The following DSCAML1 variants were observed in gnomAD, a reference collection of about 807,000 sequenced individuals.
The protein encoded by DSCAML1 is DS cell adhesion molecule like 1.
DSCAML1 carries 38 observed loss-of-function variants against 200.5 expected under a neutral mutation model. The observed-to-expected ratio is 0.19, with a 90% CI of 0.15 to 0.25. The LOEUF (loss-of-function observed/expected upper bound fraction) is 0.25, where lower values mean the gene tolerates loss of function less well. Among genes scored for constraint, DSCAML1 ranks in the 10% least tolerant of loss-of-function variants. The pLI is 1.00. For synonymous variants in DSCAML1, 1,215 were observed against 1,165.0 expected, an observed-to-expected ratio of 1.04 and a Z score of -0.87; for missense variants, 2,223 against 2,858.8, an observed-to-expected ratio of 0.78 and a Z score of 5.07.
At chr11:117,791,081 C>T (rs2055457243) in intron 1 of DSCAML1, among the ~76,000 whole-genome samples, 1 of 152,178 alleles carries the variant, frequency 6.6e-6, no homozygotes, top group East Asian at 1.9e-4. Context: ...TGGGTGGTCC[C>T]CAAGGCTAAT....
chr11:117,685,828 G>A (rs1320295317), intron 3 of DSCAML1, among the ~76,000 whole-genome samples: 1 of 152,176 alleles, frequency 6.6e-6, no homozygotes, highest in Non-Finnish European at 1.5e-5. Context: ...ATTCGTGAAG[G>A]GAGAGGATGA....
chr11:117,708,874 T>C (rs2053797299), intron 3 of DSCAML1, among the ~76,000 whole-genome samples: 1 of 152,184 alleles, frequency 6.6e-6, no homozygotes, highest in Non-Finnish European at 1.5e-5. Flanking sequence ...TAGGCTCCCA[T>C]TACATGCTGC....
At chr11:117,809,049 C>T (rs2055733490) in intron 1 of DSCAML1, among the ~76,000 whole-genome samples, 1 of 152,210 alleles carries the variant, frequency 6.6e-6, no homozygotes, top group African/African-American at 2.4e-5. Flanking sequence ...CCGTCACTGC[C>T]CCGCCCCTGC....
At chr11:117,743,376 C>T (rs1388614488) in intron 3 of DSCAML1, among the ~76,000 whole-genome samples, 1 of 152,166 alleles carries the variant, frequency 6.6e-6, no homozygotes, top group African/African-American at 2.4e-5. Flanking sequence ...ATAGTAGTCA[C>T]ATATCCCAGT....
intron 3 of DSCAML1, among the ~76,000 whole-genome samples, chr11:117,534,439 C>T (rs1018231442): frequency 6.6e-5 from 10 of 152,166 alleles, no homozygotes; most frequent in African/African-American, 2.2e-4. Context: ...ATCAGTCTTC[C>T]TTGGTGACCA....
intron 3 of DSCAML1, among the ~76,000 whole-genome samples, chr11:117,678,091 A>G (rs2053248324): frequency 6.6e-6 from 1 of 152,218 alleles, no homozygotes; most frequent in Admixed American, 6.5e-5. Flanking sequence ...AACTCACAAT[A>G]TCTTCCATGA....
At chr11:117,769,179 A>G (rs1456716903) in intron 3 of DSCAML1, among the ~76,000 whole-genome samples, 1 of 26,192 alleles carries the variant, frequency 3.8e-5, no homozygotes, top group South Asian at 2.4e-3. Flanking sequence ...TTTTATATAT[A>G]TTATACATAT....
Position 117,437,054 on chromosome 11 carries a change from C to T in DSCAML1, c.4720+68G>A. ...AGTCTGTCTCTTTATGTATCTGCCA[C>T]TCTGCCCACTTCCTTCGCACCACCC... On this transcript the variant is annotated intron_variant, in intron 26 of 32. Transcript: ENST00000651296. This position sits in a 1 kb window ranked among gnomAD's most constrained non-coding sequence, Gnocchi z 5.3. 1.3e-6 allele frequency: 2 copies of T among 1,543,720 alleles called. No individual in the cohort carries two copies. The highest frequency in any genetic ancestry group is 2.5e-5 in the South Asian group (2 of 81,480).
At chr11:117,428,922 C>T (rs1205137958) in intron 32 of DSCAML1, 119 bp from the exon 33 acceptor site, 5 of 885,204 alleles carry the variant, frequency 5.6e-6, no homozygotes, top group Non-Finnish European at 8.6e-6. Context: ...AGGGGCCCCT[C>T]CACTGGGGGG....
chr11:117,434,812 CCTTCCATCCATT>C (rs1366353261), intron 27 of DSCAML1, among the ~76,000 whole-genome samples: 9 of 152,166 alleles, frequency 5.9e-5, no homozygotes, highest in Admixed American at 5.9e-4. Context: ...ATCCATCCAT[CCTTCCATCCATT>C]CATCCATCCA....
intron 3 of DSCAML1, among the ~76,000 whole-genome samples, chr11:117,656,385 GATA>G (rs1408496833): frequency 6.6e-6 from 1 of 152,198 alleles, no homozygotes; most frequent in Non-Finnish European, 1.5e-5. Context: ...GCAAAATAGA[GATA>G]ATAATACCTA....
chr11:117,807,233 G>A (rs2055714421), intron 1 of DSCAML1, among the ~76,000 whole-genome samples: 1 of 152,228 alleles, frequency 6.6e-6, no homozygotes, highest in Admixed American at 6.5e-5. Context: ...TATCGCTGAA[G>A]CCCCTGCCAT....
At chr11:117,764,345 A>G (rs556922866) in intron 3 of DSCAML1, among the ~76,000 whole-genome samples, 7 of 152,334 alleles carry the variant, frequency 4.6e-5, no homozygotes, top group African/African-American at 1.4e-4. Flanking sequence ...TGTACAAATT[A>G]CATCATGCAT....
chr11:117,733,636 T>C (rs1464332484), intron 3 of DSCAML1, among the ~76,000 whole-genome samples: 3 of 152,222 alleles, frequency 2.0e-5, no homozygotes, highest in East Asian at 3.8e-4. Flanking sequence ...TTTGAGGGTA[T>C]TGGAAGAGAG....
At chr11:117,442,558 TC>T (rs2048089953) in intron 21 of DSCAML1, among the ~76,000 whole-genome samples, 1 of 152,080 alleles carries the variant, frequency 6.6e-6, no homozygotes, top group African/African-American at 2.4e-5. Flanking sequence ...TGGTTGTCTT[TC>T]CCACCTCACA....
At chr11:117,795,344 C>T (rs1451685315) in intron 1 of DSCAML1, among the ~76,000 whole-genome samples, 1 of 152,032 alleles carries the variant, frequency 6.6e-6, no homozygotes, top group South Asian at 2.1e-4. Flanking sequence ...GAGAGAAAGC[C>T]GCTCCTCACC....
chr11:117,816,310 G>A (rs2055805988), intron 1 of DSCAML1, among the ~76,000 whole-genome samples: 1 of 152,210 alleles, frequency 6.6e-6, no homozygotes, highest in South Asian at 2.1e-4. Flanking sequence ...GGCCGCTGTG[G>A]CCCTGGCTCC....
chr11:117,670,982 G>A (rs1169369063), intron 3 of DSCAML1, among the ~76,000 whole-genome samples: 2 of 152,164 alleles, frequency 1.3e-5, no homozygotes, highest in East Asian at 3.9e-4. Flanking sequence ...TATTCACGTG[G>A]ATAACTGAGA....
rs565469443 is a variant in DSCAML1 at position 117,705,434 on chromosome 11, T to A, written c.511+71357A>T. ...AGCAACACAGAGAAGAAAGATTTTG[T>A]TTCTTGCTAAAAATCCTTCTTCTCA... On this transcript the variant is annotated intron_variant, in intron 3 of 32. Transcript: ENST00000651296. Among the ~76,000 whole-genome samples the A allele has an allele frequency of 2.0e-5, 3 of 152,334 alleles. No homozygotes were observed. The South Asian group carries it at 6.2e-4, about 32-fold the overall frequency.
Sources: gnomAD v4.1 joint callset for allele counts (sites outside exome capture counted in the v4.1 genomes callset) on GRCh38, gnomAD v4.1.1 for gene constraint, Gnocchi (gnomAD v3.1) non-coding constraint, MANE v1.5 for transcripts, NCBI Gene and HGNC (gene_info 2026-07-23, HGNC 2026-07-21) for gene names.